ANO6: variants seen among roughly 807,000 people sequenced by gnomAD.
The protein encoded by ANO6 is anoctamin-6.
Under a neutral mutation model 117.5 loss-of-function variants are expected in ANO6, and 106 were observed. The observed-to-expected ratio is 0.90, with a 90% CI of 0.77 to 1.06. The LOEUF is 1.06. Ranked by LOEUF, ANO6 falls within the 50% of genes least tolerant of loss-of-function variation. The probability of loss-of-function intolerance (pLI) is 0.00; values close to 1 mark genes in which losing one functional copy is unlikely to be tolerated. For synonymous variants in ANO6, 367 were observed against 385.1 expected (o/e 0.95, Z 0.55); for missense variants, 955 against 1,121.1 (o/e 0.85, Z 2.12).
At chr12:45,254,222 A>C (rs1369465110) in intron 1 of ANO6, among the ~76,000 whole-genome samples, 1 of 152,230 alleles carries the variant, frequency 6.6e-6, no homozygotes, top group Non-Finnish European at 1.5e-5. Context: ...TGGATGGCAC[A>C]GAGAGAAGGC....
At chr12:45,369,009 A>G (rs547283078) in intron 9 of ANO6, among the ~76,000 whole-genome samples, 2 of 152,278 alleles carry the variant, frequency 1.3e-5, no homozygotes, top group African/African-American at 4.8e-5. Context: ...AGAAATCTGC[A>G]TTTCTTGTCA....
rs1208390342 is a variant in ANO6 at position 45,429,855 on chromosome 12, C to A, written c.*544C>A. 1.0e-6 allele frequency: 1 copy of A among 989,126 alleles called. No homozygotes were observed. Among genetic ancestry groups the A allele is most frequent in the East Asian group, 1.1e-4 (1 of 8,942 alleles). 61.3% of individuals were successfully genotyped at this position (989,126 alleles called of 1,614,324 possible). ...ATTTTCAATACCTCCAGAAAGGAAA[C>A]CTCAGTTAATCAGAGGAAATAGTTT... On this transcript the variant is annotated 3_prime_UTR_variant, in exon 20 of 20. Transcript: ENST00000320560.
At chr12:45,217,260 C>G (rs1396506733) in intron 1 of ANO6, among the ~76,000 whole-genome samples, 1 of 152,136 alleles carries the variant, frequency 6.6e-6, no homozygotes, top group East Asian at 1.9e-4. Flanking sequence ...ATGTGTCCCT[C>G]CAGAAGACTC....
At chr12:45,369,034 G>T (rs1213964417) in intron 9 of ANO6, among the ~76,000 whole-genome samples, 1 of 152,092 alleles carries the variant, frequency 6.6e-6, no homozygotes, top group African/African-American at 2.4e-5. Context: ...CATATTCTTT[G>T]CCAGCTGACA....
intron 12 of ANO6, among the ~76,000 whole-genome samples, chr12:45,396,234 C>T (rs1166237060): frequency 6.6e-6 from 1 of 152,168 alleles, no homozygotes; most frequent in African/African-American, 2.4e-5. Context: ...AGTGAACTCC[C>T]ATTCACAATT....
intron 1 of ANO6, among the ~76,000 whole-genome samples, chr12:45,272,116 CTT>C (rs1233444295): frequency 3.3e-5 from 5 of 151,264 alleles, no homozygotes; most frequent in Admixed American, 6.6e-5. Flanking sequence ...TATTAAATAA[CTT>C]TTATTGTTTA....
chr12:45,311,838 G>A (rs1317397098), intron 2 of ANO6, among the ~76,000 whole-genome samples: 1 of 152,052 alleles, frequency 6.6e-6, no homozygotes, highest in Non-Finnish European at 1.5e-5. Flanking sequence ...GATAGAAAGT[G>A]GGGAATGAGG....
At chr12:45,328,433 A>C (rs893642588) in intron 2 of ANO6, among the ~76,000 whole-genome samples, 1 of 152,166 alleles carries the variant, frequency 6.6e-6, no homozygotes, top group African/African-American at 2.4e-5. Flanking sequence ...AATGAAAAAA[A>C]TTTGATCTAG....
At chr12:45,228,574 A>G (rs1947525142) in intron 1 of ANO6, among the ~76,000 whole-genome samples, 1 of 152,142 alleles carries the variant, frequency 6.6e-6, no homozygotes, top group Non-Finnish European at 1.5e-5. Flanking sequence ...AGGAGAACAG[A>G]GGAGGGAAGA....
intron 19 of ANO6, among the ~76,000 whole-genome samples, chr12:45,425,271 A>AT (rs1216947403): frequency 6.6e-6 from 1 of 152,200 alleles, no homozygotes; most frequent in Non-Finnish European, 1.5e-5. Flanking sequence ...CTCCTGATAT[A>AT]TCACAGGGAG....
chr12:45,316,254 A>G (rs1433156335), intron 2 of ANO6, among the ~76,000 whole-genome samples: 4 of 152,130 alleles, frequency 2.6e-5, no homozygotes, highest in Non-Finnish European at 5.9e-5. Flanking sequence ...CCTTTGAGGC[A>G]TATATTCCAA....
At chr12:45,418,943 ATGTGTGCT>A (rs1227858835) in intron 17 of ANO6, among the ~76,000 whole-genome samples, 1 of 152,208 alleles carries the variant, frequency 6.6e-6, no homozygotes, top group Non-Finnish European at 1.5e-5. Context: ...CTATGTTTAT[ATGTGTGCT>A]TGTGCAAGCA....
intron 2 of ANO6, among the ~76,000 whole-genome samples, chr12:45,321,477 T>G (rs1240879546): frequency 6.6e-6 from 1 of 152,106 alleles, no homozygotes; most frequent in Non-Finnish European, 1.5e-5. Flanking sequence ...AAAAATCACA[T>G]GTGTTAACAT....
At chr12:45,226,957 A>T (rs534428266) in intron 1 of ANO6, among the ~76,000 whole-genome samples, 1 of 149,294 alleles carries the variant, frequency 6.7e-6, no homozygotes, top group African/African-American at 2.5e-5. Flanking sequence ...TTCTTTATTT[A>T]AAAAAATTAA....
At chr12:45,311,030 G>T (rs777866922) in intron 2 of ANO6, among the ~76,000 whole-genome samples, 23 of 151,902 alleles carry the variant, frequency 1.5e-4, no homozygotes, top group African/African-American at 5.6e-4. Flanking sequence ...TTCAATGGAG[G>T]TTGTTAGATT....
At chr12:45,323,224 GAATCTGAAGAAAGACT>G (rs1422434672) in intron 2 of ANO6, among the ~76,000 whole-genome samples, 4 of 152,124 alleles carry the variant, frequency 2.6e-5, no homozygotes, top group Non-Finnish European at 5.9e-5. Context: ...ACTTTACTCA[GAATCTGAAGAAAGACT>G]AAAAGCCTCT....
chr12:45,438,249 G>GTA (rs924372007), intron 19 of ANO6, among the ~76,000 whole-genome samples: 2 of 112,438 alleles, frequency 1.8e-5, no homozygotes, highest in Non-Finnish European at 4.0e-5. Flanking sequence ...ATATTTGCGT[G>GTA]TATGTGTGTG....
intron 1 of ANO6, among the ~76,000 whole-genome samples, chr12:45,254,192 A>G (rs1031358165): frequency 6.6e-6 from 1 of 152,220 alleles, no homozygotes; most frequent in Admixed American, 6.5e-5. Context: ...ATTCTTACGA[A>G]TGAGGAAGTT....
chr12:45,373,731 T>C (rs1276026054), intron 9 of ANO6, among the ~76,000 whole-genome samples: 1 of 152,156 alleles, frequency 6.6e-6, no homozygotes, highest in Non-Finnish European at 1.5e-5. Flanking sequence ...GGGAAATTTA[T>C]AGCACTAAAT....
Sources: gnomAD v4.1 joint callset for allele counts (sites outside exome capture counted in the v4.1 genomes callset) on GRCh38, gnomAD v4.1.1 for gene constraint, MANE v1.5 for transcripts, NCBI Gene and HGNC (gene_info 2026-07-23, HGNC 2026-07-21) for gene names.